Variants in FGF14 observed in about 807,000 individuals in gnomAD.
FGF14 encodes fibroblast growth factor 14.
In FGF14, 5 loss-of-function variants were observed where a neutral mutation model predicts 25.5. The ratio of observed to expected loss-of-function variants is 0.20; its 90% CI spans 0.10 to 0.41. The LOEUF (loss-of-function observed/expected upper bound fraction) is 0.41, where lower values mean the gene tolerates loss of function less well. FGF14 is among the 10% of genes least tolerant of loss of function. The probability of loss-of-function intolerance (pLI) is 1.00; values close to 1 mark genes in which losing one functional copy is unlikely to be tolerated. For synonymous variants in FGF14, 138 were observed against 118.3 expected, an observed-to-expected ratio of 1.17 and a Z score of -1.08; for missense variants, 222 against 320.1, an observed-to-expected ratio of 0.69 and a Z score of 2.34.
intron 1 of FGF14, among the ~76,000 whole-genome samples, chr13:102,041,583 T>TAAAAAAAAAAAAAAAAAAAAA (rs11430268): frequency 7.0e-6 from 1 of 141,940 alleles, no homozygotes; most frequent in African/African-American, 2.6e-5. Flanking sequence ...TGTTTCCATG[T>TAAAAAAAAAAAAAAAAAAAAA]AAAAAAAAAA....
intron 1 of FGF14, among the ~76,000 whole-genome samples, chr13:102,265,631 C>T (rs889119397): frequency 1.3e-5 from 2 of 152,028 alleles, no homozygotes; most frequent in Admixed American, 1.3e-4. Flanking sequence ...ACAAAATAGC[C>T]TTGTGAGGTA....
At chr13:101,961,052 ATTTG>A (rs1254007385) in intron 1 of FGF14, among the ~76,000 whole-genome samples, 1 of 151,732 alleles carries the variant, frequency 6.6e-6, no homozygotes, top group Non-Finnish European at 1.5e-5. Flanking sequence ...TTTGTAGTAA[ATTTG>A]TTTAAGTTCC....
In FGF14 at chr13:101,962,711, G is replaced by A. The variant is rs138814805; in HGVS notation, c.209-87415C>T. Among the ~76,000 whole-genome samples, 42 of 152,170 alleles carry A rather than the reference G, an allele frequency of 2.8e-4. No homozygotes were observed. The Middle Eastern group carries it at 0.014, about 50-fold the overall frequency. On this transcript the variant is annotated intron_variant, in intron 1 of 4. Transcript: ENST00000376131. ...TTTTTATATTTTGAATATAAAATTT[G>A]TGATAACTTCATGACAGTTGTATGC...
At chr13:101,905,521 G>A (rs1256616331) in intron 1 of FGF14, among the ~76,000 whole-genome samples, 3 of 151,706 alleles carry the variant, frequency 2.0e-5, no homozygotes, top group Admixed American at 2.0e-4. Context: ...ATGGACATGG[G>A]GAGGGGGACA....
chr13:102,168,539 T>C (rs2048114892), intron 1 of FGF14, among the ~76,000 whole-genome samples: 1 of 152,148 alleles, frequency 6.6e-6, no homozygotes, highest in African/African-American at 2.4e-5. Flanking sequence ...CAATGGGTTT[T>C]AGAGCAGGGC....
intron 3 of FGF14, among the ~76,000 whole-genome samples, chr13:101,806,720 A>C (rs1010362129): frequency 6.6e-6 from 1 of 152,150 alleles, no homozygotes; most frequent in Non-Finnish European, 1.5e-5. Flanking sequence ...TGCCTGTATC[A>C]AAGTATTAAA....
At chr13:102,084,884 A>G (rs1285143768) in intron 1 of FGF14, among the ~76,000 whole-genome samples, 1 of 152,242 alleles carries the variant, frequency 6.6e-6, no homozygotes, top group Non-Finnish European at 1.5e-5. Context: ...CAAAACTGTC[A>G]GAAATGGCTC....
intron 3 of FGF14, among the ~76,000 whole-genome samples, chr13:101,751,322 G>C (rs61965129): frequency 0.035 from 5,305 of 152,172 alleles, 102 homozygotes; most frequent in Admixed American, 0.042. Context: ...TTATGGGAAC[G>C]CTCTACTTAC....
intron 1 of FGF14, among the ~76,000 whole-genome samples, chr13:102,375,268 A>G (rs2058011691): frequency 6.6e-6 from 1 of 152,064 alleles, no homozygotes; most frequent in South Asian, 2.1e-4. Flanking sequence ...ACTAGGCAGG[A>G]TCGATCCAGG....
At chr13:102,272,776 T>C (rs893080581) in intron 1 of FGF14, among the ~76,000 whole-genome samples, 1 of 151,682 alleles carries the variant, frequency 6.6e-6, no homozygotes, top group South Asian at 2.1e-4. Flanking sequence ...TATATATCTA[T>C]ATATCACTCA....
intron 1 of FGF14, among the ~76,000 whole-genome samples, chr13:101,903,587 T>C (rs1472820758): frequency 2.6e-5 from 4 of 152,090 alleles, no homozygotes; most frequent in African/African-American, 4.8e-5. Flanking sequence ...TACAGGAGAA[T>C]TGTAGCTTTT....
rs77007942 is a variant in FGF14, at chr13:102,105,182, T to A, written c.209-229886A>T. ...TAATGTCAGTAAACTAATGATTGTGTTCTGAAGGCAGTGTATTATGATCTG... is the reference window on the plus strand; with the variant it reads ...TAATGTCAGTAAACTAATGATTGTGATCTGAAGGCAGTGTATTATGATCTG... On this transcript the variant is annotated intron_variant, in intron 1 of 4. Coordinates refer to the FGF14 transcript ENST00000376131. Among the ~76,000 whole-genome samples the A allele has an allele frequency of 7.6e-3, 1,161 of 152,306 alleles. 22 individuals are homozygous for A. The highest frequency in any genetic ancestry group is 0.044 in the Admixed American group (668 of 15,290).
At chr13:101,976,622 C>T (rs1409939904) in intron 1 of FGF14, among the ~76,000 whole-genome samples, 1 of 152,220 alleles carries the variant, frequency 6.6e-6, no homozygotes. Flanking sequence ...TCTGCAGTGT[C>T]TATCTGCACA....
At chr13:102,155,699 T>C (rs1167638815) in intron 1 of FGF14, among the ~76,000 whole-genome samples, 1 of 151,006 alleles carries the variant, frequency 6.6e-6, no homozygotes, top group East Asian at 2.0e-4. Flanking sequence ...AGAAAAACCC[T>C]TCAAAAAATC....
intron 1 of FGF14, among the ~76,000 whole-genome samples, chr13:102,353,622 C>T (rs1716981713): frequency 6.6e-6 from 1 of 152,192 alleles, no homozygotes; most frequent in South Asian, 2.1e-4. Flanking sequence ...AGTACTCCCA[C>T]ACTCTGCCTT....
chr13:102,339,896 A>C (rs2056898563), intron 1 of FGF14, among the ~76,000 whole-genome samples: 1 of 152,182 alleles, frequency 6.6e-6, no homozygotes, highest in South Asian at 2.1e-4. Flanking sequence ...CACCATCTAA[A>C]GTGAGTTAAG....
At chr13:101,802,169 G>A (rs1313329814) in intron 3 of FGF14, 2 of 258,720 alleles carry the variant, frequency 7.7e-6, no homozygotes, top group African/African-American at 2.2e-5. Flanking sequence ...AATTCTTTCC[G>A]TTCTGTTCAG....
intron 1 of FGF14, among the ~76,000 whole-genome samples, chr13:102,148,406 C>T (rs1454773698): frequency 6.6e-6 from 1 of 152,050 alleles, no homozygotes; most frequent in East Asian, 1.9e-4. Context: ...CAATATTGCC[C>T]TTTTAAAAAA....
chr13:102,304,091 A>AATC (rs148147112), intron 1 of FGF14, among the ~76,000 whole-genome samples: 148 of 151,696 alleles, frequency 9.8e-4, no homozygotes, highest in South Asian at 3.1e-3. Context: ...ACTGAACCCA[A>AATC]ATCATCATCA....
Sources: gnomAD v4.1 joint callset for allele counts (sites outside exome capture counted in the v4.1 genomes callset) on GRCh38, gnomAD v4.1.1 for gene constraint, MANE v1.5 for transcripts, NCBI Gene and HGNC (gene_info 2026-07-23, HGNC 2026-07-21) for gene names.